The following GPSM1 variants were observed in gnomAD, a reference collection of about 807,000 sequenced individuals.
GPSM1 encodes G protein-signaling modulator 1.
In GPSM1, 48 loss-of-function variants were observed where a neutral mutation model predicts 70.5. That is an observed-to-expected ratio of 0.68 (90% confidence interval 0.54 to 0.87). The LOEUF is 0.87. GPSM1 is among the 40% of genes least tolerant of loss of function. The probability of loss-of-function intolerance (pLI) is 0.00; values close to 1 mark genes in which losing one functional copy is unlikely to be tolerated. For missense variants in GPSM1, 981 were observed against 972.6 expected, an observed-to-expected ratio of 1.01 and a Z score of -0.11; for synonymous variants, 416 against 430.1, an observed-to-expected ratio of 0.97 and a Z score of 0.41.
At position 136,327,682 on chromosome 9, in the gene GPSM1, C is replaced by G. The variant is rs1483688072; in HGVS notation, c.-14C>G. ...GGGGGGCGCTCCCGGCTCCCGCTCC[C>G]GCGTCCCCGACCCATGGCGGGCCCG... On this transcript the variant is annotated 5_prime_UTR_variant, in exon 1 of 14. Coordinates refer to ENST00000440944, the MANE Select transcript of GPSM1 (RefSeq NM_001145638.3). The G allele has an allele frequency of 9.3e-7, 1 of 1,079,580 alleles. No individual in the cohort carries two copies. The highest frequency in any genetic ancestry group is 4.5e-5 in the South Asian group (1 of 22,320). The allele number at this position is 1,079,580 out of a possible 1,614,324, so 66.9% of individuals were successfully genotyped here. A position where few individuals can be genotyped will look rare whatever the true frequency, so the allele number is the denominator to read the frequency against.
chr9:136,357,029 G>C (rs1284510516), intron 13 of GPSM1, among the ~76,000 whole-genome samples: 2 of 152,338 alleles, frequency 1.3e-5, no homozygotes, highest in South Asian at 2.1e-4. Context: ...CGGCATGGGC[G>C]GAGGGTCCAG....
intron 1 of GPSM1, among the ~76,000 whole-genome samples, chr9:136,334,240 TG>T (rs1288570934): frequency 3.5e-4 from 53 of 152,182 alleles, no homozygotes; most frequent in African/African-American, 1.2e-3. Context: ...CAGGAGGTGC[TG>T]GCAGAGGTGT....
chr9:136,345,715 C>T (rs892083263), intron 9 of GPSM1, among the ~76,000 whole-genome samples: 47 of 152,180 alleles, frequency 3.1e-4, no homozygotes, highest in Non-Finnish European at 5.1e-4. Context: ...GGAGACGGAG[C>T]GGGGCTCTCG....
chr9:136,353,546 G>A (rs998258697), intron 11 of GPSM1, among the ~76,000 whole-genome samples: 6 of 152,190 alleles, frequency 3.9e-5, no homozygotes, highest in South Asian at 2.1e-4. Context: ...ACCTGCAGTC[G>A]TGGGCCCCTG....
intron 9 of GPSM1, among the ~76,000 whole-genome samples, chr9:136,345,272 G>A (rs1832495317): frequency 6.6e-6 from 1 of 152,202 alleles, no homozygotes; most frequent in Admixed American, 6.5e-5. Flanking sequence ...GTCAGCGTCG[G>A]GTGGCCATGG....
chr9:136,356,100 C>T (rs944759543), intron 12 of GPSM1, among the ~76,000 whole-genome samples: 19 of 151,972 alleles, frequency 1.3e-4, no homozygotes, highest in African/African-American at 3.1e-4. Context: ...GGGGGACTGG[C>T]GTTCTCCTCC....
intron 1 of GPSM1, among the ~76,000 whole-genome samples, chr9:136,329,387 C>T (rs961700581): frequency 9.9e-5 from 15 of 152,234 alleles, no homozygotes; most frequent in African/African-American, 3.1e-4. Flanking sequence ...GATGCCTAGA[C>T]GTGTTCTGGG....
intron 9 of GPSM1, among the ~76,000 whole-genome samples, chr9:136,346,177 T>C (rs28539249): frequency 0.45 from 69,164 of 152,032 alleles, 15,878 homozygotes; most frequent in African/African-American, 0.51. Context: ...AGCAGGAGCT[T>C]AGGGTGTGTC....
At chr9:136,346,071 C>A (rs1554771221) in intron 9 of GPSM1, among the ~76,000 whole-genome samples, 2 of 152,220 alleles carry the variant, frequency 1.3e-5, no homozygotes, top group African/African-American at 4.8e-5. Flanking sequence ...GTGGGAGGAG[C>A]AGTGGACGGC....
rs1832414224 is a variant in GPSM1 at position 136,342,431 on chromosome 9, C to G, written c.1207+1438C>G. On this transcript the variant is annotated intron_variant, in intron 9 of 13. Transcript: ENST00000440944. The surrounding 1 kb of genome is among the most constrained non-coding windows in gnomAD (Gnocchi z 5.5). The stretch of plus-strand genomic sequence containing the variant: ...GGAACAATGCAGCTTCTGTCCCTCT[C>G]TGGCTCCTCTGTGCCGCCCCGAGTG... Among the ~76,000 whole-genome samples the G allele has an allele frequency of 6.6e-6, 1 of 152,242 alleles. No homozygotes were observed. Among genetic ancestry groups the G allele is most frequent in the Admixed American group, 6.5e-5 (1 of 15,294 alleles).
At chr9:136,352,802 G>C (rs1832707323) in intron 11 of GPSM1, among the ~76,000 whole-genome samples, 2 of 152,256 alleles carry the variant, frequency 1.3e-5, no homozygotes, top group Admixed American at 1.3e-4. Context: ...TCGGCAGGCT[G>C]TCTGCCCACA....
chr9:136,349,935 T>C (rs1442756162), intron 11 of GPSM1, among the ~76,000 whole-genome samples, 172 bp downstream of exon 11: 6 of 152,200 alleles, frequency 3.9e-5, no homozygotes, highest in Admixed American at 6.5e-5. Context: ...GTGGGGGCTC[T>C]GGGCAGGGCT....
intron 10 of GPSM1, 105 bp downstream of exon 10, chr9:136,348,872 T>C (rs1162781798): frequency 1.2e-6 from 1 of 846,956 alleles, no homozygotes; most frequent in African/African-American, 1.7e-5. Context: ...CCCTGTCTGC[T>C]GGGAGATAAA....
At position 136,340,905 on chromosome 9, in the gene GPSM1, G is replaced by A; in HGVS notation, c.1119G>A (p.Met373Ile). 1 of 1,576,056 alleles carries A rather than the reference G, an allele frequency of 6.3e-7. No individual in the cohort carries two copies. The highest frequency in any genetic ancestry group is 8.6e-7 in the Non-Finnish European group (1 of 1,162,444). ...GDRHGELTAR[M>I]NVAQLQLVLG... ...GCCATGGGGAGCTCACGGCCCGCATGAACGTGGCGCAGCTGCAGCTGGTGC... is the reference window on the plus strand; with the variant it reads ...GCCATGGGGAGCTCACGGCCCGCATAAACGTGGCGCAGCTGCAGCTGGTGC... Residue 373 changes from methionine to isoleucine, a missense_variant, in exon 9 of 14, where the codon ATG (methionine) becomes ATA (isoleucine). Physicochemically the swap from Met to Ile is conservative, Grantham distance 10. Transcript: ENST00000440944. The surrounding 1 kb of genome is among the most constrained non-coding windows in gnomAD (Gnocchi z 7.3).
chr9:136,338,141 C>T (rs922367598), intron 6 of GPSM1, among the ~76,000 whole-genome samples, 180 bp downstream of exon 6: 11 of 152,290 alleles, frequency 7.2e-5, no homozygotes, highest in East Asian at 3.9e-4. Flanking sequence ...GGGAGGCAGG[C>T]GGTGGGGGAG....
rs782593827 is a variant in GPSM1 at position 136,349,634 on chromosome 9, C to A, written c.1326C>A (p.Ser442Arg). 6.5e-7 allele frequency: 1 copy of A among 1,549,864 alleles called. No individual in the cohort carries two copies. The highest frequency in any genetic ancestry group is 1.2e-5 in the South Asian group (1 of 84,032). The change falls in exon 11 of 14, where the codon AGC (serine) becomes AGA (arginine). Residue 442 changes from serine to arginine, a missense_variant. By Grantham distance (110) the Ser-to-Arg change is moderately radical. Transcript: ENST00000440944. ...SHHSGDWRGP[S>R]RDSLPLPVRS... ...ATTCAGGGGACTGGCGGGGGCCCAG[C>A]AGGGACTCGCTACCCCTCCCCGTGA...
chr9:136,348,813 G>C, intron 10 of GPSM1, 46 bp downstream of exon 10: 1 of 1,458,668 alleles, frequency 6.9e-7, no homozygotes, highest in Non-Finnish European at 9.6e-7. Flanking sequence ...CGCTGCCAGA[G>C]CATGGGCAGC....
At position 136,349,624 on chromosome 9, in the gene GPSM1, G is replaced by C; in HGVS notation, c.1316G>C (p.Arg439Pro). ...GACAGCCACCATTCAGGGGACTGGCGGGGGCCCAGCAGGGACTCGCTACCC... is the reference window on the plus strand; with the variant it reads ...GACAGCCACCATTCAGGGGACTGGCCGGGGCCCAGCAGGGACTCGCTACCC... Reference protein sequence around the residue: ...NGDSHHSGDWRGPSRDSLPLP... With the variant: ...NGDSHHSGDWPGPSRDSLPLP... The change falls in exon 11 of 14, where the codon CGG (arginine) becomes CCG (proline). Residue 439 changes from arginine to proline, a missense_variant. Physicochemically the swap from Arg to Pro is moderately radical, Grantham distance 103. Coordinates refer to ENST00000440944, the MANE Select transcript of GPSM1 (RefSeq NM_001145638.3). The C allele has an allele frequency of 6.5e-7, 1 of 1,549,892 alleles. No individual in the cohort carries two copies.
chr9:136,351,355 G>A (rs929513026), intron 11 of GPSM1, among the ~76,000 whole-genome samples: 1 of 152,234 alleles, frequency 6.6e-6, no homozygotes, highest in East Asian at 1.9e-4. Context: ...GGAGGGAGGA[G>A]CAGGACTGGG....
Sources: gnomAD v4.1 joint callset for allele counts (sites outside exome capture counted in the v4.1 genomes callset) on GRCh38, gnomAD v4.1.1 for gene constraint, Gnocchi (gnomAD v3.1) non-coding constraint, MANE v1.5 for transcripts, NCBI Gene and HGNC (gene_info 2026-07-23, HGNC 2026-07-21) for gene names.